Variants in PIEZO2 observed in about 807,000 individuals in gnomAD.
The protein encoded by PIEZO2 is piezo type mechanosensitive ion channel component 2.
PIEZO2 carries 172 observed loss-of-function variants against 337.3 expected under a neutral mutation model. The observed-to-expected ratio is 0.51, with a 90% confidence interval of 0.45 to 0.58. The LOEUF (loss-of-function observed/expected upper bound fraction) is 0.58, where lower values mean the gene tolerates loss of function less well. PIEZO2 is among the 20% of genes least tolerant of loss of function. PIEZO2 has a pLI of 0.00. For missense variants in PIEZO2, 3,028 were observed against 3,391.3 expected (o/e 0.89, Z 2.66); for synonymous variants, 1,251 against 1,228.5 (o/e 1.02, Z -0.38).
chr18:10,850,885 T>A lies in PIEZO2; in HGVS notation c.917+4468A>T, dbSNP rs2041527433. Among the ~76,000 whole-genome samples, 1 of 152,188 alleles carries A rather than the reference T, an allele frequency of 6.6e-6. No individual in the cohort carries two copies. Among genetic ancestry groups the A allele is most frequent in the African/African-American group, 2.4e-5 (1 of 41,458 alleles). On this transcript the variant is annotated intron_variant, in intron 7 of 55. Coordinates refer to ENST00000674853, the MANE Select transcript of PIEZO2 (RefSeq NM_001378183.1). The surrounding 1 kb of genome is among the most constrained non-coding windows in gnomAD (Gnocchi z 4.5). ...AAATGACCAAAAAACATGTGTTTAG[T>A]ATAACAGTGTGACAAAAAATATCAA...
At chr18:11,010,128 C>T (rs1299321316) in intron 2 of PIEZO2, among the ~76,000 whole-genome samples, 1 of 152,176 alleles carries the variant, frequency 6.6e-6, no homozygotes, top group Non-Finnish European at 1.5e-5. Flanking sequence ...TAATCAAAGA[C>T]AGATTTCAAA....
Position 11,128,508 on chromosome 18 carries a change from T to C in PIEZO2, c.64+20017A>G, listed in dbSNP as rs1005577410. On this transcript the variant is annotated intron_variant, in intron 1 of 55. Transcript: ENST00000674853. The surrounding 1 kb of genome is among the most constrained non-coding windows in gnomAD (Gnocchi z 4.1). Reference sequence around the variant, plus strand: ...AGGACACTGAGTTTGTAAACTCTGATGAACCTTTTTTGCCAGAAGGAACAG... The same window carrying C: ...AGGACACTGAGTTTGTAAACTCTGACGAACCTTTTTTGCCAGAAGGAACAG... Among the ~76,000 whole-genome samples the C allele has an allele frequency of 1.3e-5, 2 of 152,208 alleles. No individual in the cohort carries two copies. Among genetic ancestry groups the C allele is most frequent in the Non-Finnish European group, 2.9e-5 (2 of 68,042 alleles).
In PIEZO2 at chr18:10,713,296, A is replaced by C. The variant is rs183021780; in HGVS notation, c.5423+1468T>G. On this transcript the variant is annotated intron_variant, in intron 39 of 55. Transcript: ENST00000674853. The surrounding 1 kb of genome is among the most constrained non-coding windows in gnomAD (Gnocchi z 4.5). ...AGCAAAATAATTGGCATAATTAGAG[A>C]GGCTCAAATACAGGAATGCAGCAAC... Among the ~76,000 whole-genome samples the C allele has an allele frequency of 2.4e-4, 37 of 152,298 alleles. No homozygotes were observed. Among genetic ancestry groups the C allele is most frequent in the African/African-American group, 7.0e-4 (29 of 41,570 alleles).
chr18:11,113,843 G>A (rs1196803476), intron 1 of PIEZO2, among the ~76,000 whole-genome samples: 2 of 152,196 alleles, frequency 1.3e-5, no homozygotes, highest in Non-Finnish European at 2.9e-5. Context: ...GTCCACCTTC[G>A]TGTCCTTTCT....
At position 10,850,316 on chromosome 18, in the gene PIEZO2, G is replaced by C. The variant is rs760524168; in HGVS notation, c.917+5037C>G. Among the ~76,000 whole-genome samples the C allele has an allele frequency of 2.0e-5, 3 of 152,184 alleles. No individual in the cohort carries two copies. Among genetic ancestry groups the C allele is most frequent in the Non-Finnish European group, 4.4e-5 (3 of 68,034 alleles). On this transcript the variant is annotated intron_variant, in intron 7 of 55. Coordinates refer to ENST00000674853, the MANE Select transcript of PIEZO2 (RefSeq NM_001378183.1). This position sits in a 1 kb window ranked among gnomAD's most constrained non-coding sequence, Gnocchi z 4.5. ...CAGCCCTGTGCCACACATCGGCGTG[G>C]AATTTCAGTTTATACCATATGCATG...
At chr18:11,087,503 G>A (rs8091092) in intron 1 of PIEZO2, among the ~76,000 whole-genome samples, 57,950 of 151,882 alleles carry the variant, frequency 0.38, 11,742 homozygotes, top group East Asian at 0.69. Context: ...TGTGCAAATG[G>A]GTAAGAACAC....
At chr18:10,881,746 C>T (rs191722335) in intron 4 of PIEZO2, among the ~76,000 whole-genome samples, 2 of 152,104 alleles carry the variant, frequency 1.3e-5, no homozygotes, top group South Asian at 2.1e-4. Context: ...ATAACAACAA[C>T]AAAAAACTCC....
intron 27 of PIEZO2, among the ~76,000 whole-genome samples, chr18:10,757,717 G>A (rs2037938915): frequency 6.6e-6 from 1 of 151,964 alleles, no homozygotes; most frequent in African/African-American, 2.4e-5. Context: ...GCACAAGTCA[G>A]TTTTGGTATG....
At chr18:10,905,988 A>G (rs1447631609) in intron 4 of PIEZO2, among the ~76,000 whole-genome samples, 1 of 152,170 alleles carries the variant, frequency 6.6e-6, no homozygotes, top group Non-Finnish European at 1.5e-5. Flanking sequence ...TTACTGAGCA[A>G]TAATATCTAA....
chr18:11,135,847 C>T lies in PIEZO2; in HGVS notation c.64+12678G>A, dbSNP rs913062654. Among the ~76,000 whole-genome samples, 20 of 152,300 alleles carry T rather than the reference C, an allele frequency of 1.3e-4. 1 individual carries two copies. The highest frequency in any genetic ancestry group is 6.5e-4 in the Admixed American group (10 of 15,298). ...AGTTTGTTTGACTGGGATACTTCTC[C>T]TTCCTTGGGAGATTAGCACTGCATT... On this transcript the variant is annotated intron_variant, in intron 1 of 55. Transcript: ENST00000674853.
intron 3 of PIEZO2, among the ~76,000 whole-genome samples, chr18:10,931,191 G>T (rs1045184839): frequency 2.6e-5 from 4 of 151,636 alleles, no homozygotes; most frequent in African/African-American, 9.7e-5. Flanking sequence ...TAATTTTATT[G>T]TATTTATTTA....
At chr18:10,935,857 C>A (rs979967836) in intron 3 of PIEZO2, among the ~76,000 whole-genome samples, 14 of 152,358 alleles carry the variant, frequency 9.2e-5, no homozygotes, top group African/African-American at 3.1e-4. Context: ...TCACCTTCCT[C>A]ACGTGCAGCT....
chr18:11,018,484 T>A (rs1028090794), intron 2 of PIEZO2, among the ~76,000 whole-genome samples: 1 of 150,156 alleles, frequency 6.7e-6, no homozygotes, highest in Non-Finnish European at 1.5e-5. Context: ...ATATGATTCC[T>A]GATCTGTTGG....
chr18:11,046,653 C>T (rs73398530), intron 2 of PIEZO2, among the ~76,000 whole-genome samples: 4,982 of 152,346 alleles, frequency 0.033, 292 homozygotes, highest in African/African-American at 0.11. Flanking sequence ...TCTGGGCTCC[C>T]TCCATCTCTT....
intron 27 of PIEZO2, among the ~76,000 whole-genome samples, chr18:10,755,409 A>AGG (rs2037798202): frequency 6.6e-6 from 1 of 152,164 alleles, no homozygotes; most frequent in African/African-American, 2.4e-5. Context: ...ACAGCTAATA[A>AGG]GGGGGTATGA....
At chr18:10,829,238 G>A (rs73394709) in intron 7 of PIEZO2, among the ~76,000 whole-genome samples, 4,463 of 151,694 alleles carry the variant, frequency 0.029, 142 homozygotes, top group African/African-American at 0.084. Flanking sequence ...ATCACCTGAC[G>A]AAGCTGTTAA....
intron 1 of PIEZO2, among the ~76,000 whole-genome samples, chr18:11,133,632 T>A (rs546014695): frequency 4.6e-5 from 7 of 152,242 alleles, no homozygotes; most frequent in Non-Finnish European, 1.0e-4. Context: ...AACTTCCCAG[T>A]CTATATCTTT....
In PIEZO2 at chr18:10,815,728, A is replaced by C. The variant is rs745761955; in HGVS notation, c.918-8454T>G. ...TCAGGAACAAGAGAAGAAGGAGAAC[A>C]GTCTTCTGATGGTACATTATAGCTA... On this transcript the variant is annotated intron_variant, in intron 7 of 55. Coordinates refer to ENST00000674853, the MANE Select transcript of PIEZO2 (RefSeq NM_001378183.1). This position sits in a 1 kb window ranked among gnomAD's most constrained non-coding sequence, Gnocchi z 4.1. 8.4e-4 allele frequency among the ~76,000 whole-genome samples: 128 copies of C among 152,332 alleles called. No homozygotes were observed. Among genetic ancestry groups the C allele is most frequent in the Admixed American group, 3.4e-3 (52 of 15,304 alleles).
At chr18:11,123,191 C>T (rs2040079279) in intron 1 of PIEZO2, among the ~76,000 whole-genome samples, 1 of 152,118 alleles carries the variant, frequency 6.6e-6, no homozygotes, top group East Asian at 1.9e-4. Flanking sequence ...CATATGGTTT[C>T]AAACATATTT....
Sources: gnomAD v4.1 joint callset for allele counts (sites outside exome capture counted in the v4.1 genomes callset) on GRCh38, gnomAD v4.1.1 for gene constraint, Gnocchi (gnomAD v3.1) non-coding constraint, MANE v1.5 for transcripts, NCBI Gene and HGNC (gene_info 2026-07-23, HGNC 2026-07-21) for gene names.